RNLS: variants seen among roughly 807,000 people sequenced by gnomAD.
The protein encoded by RNLS is renalase.
In RNLS, 39 loss-of-function variants were observed where a neutral mutation model predicts 39.8. The ratio of observed to expected loss-of-function variants is 0.98; its 90% CI spans 0.76 to 1.28. The LOEUF is 1.28. Ranked by LOEUF, RNLS falls within the 50% of genes most tolerant of loss-of-function variation. The pLI, the probability that RNLS is intolerant of heterozygous loss-of-function variation, is 0.00. For missense variants in RNLS, 410 were observed against 413.3 expected (o/e 0.99, Z 0.07); for synonymous variants, 147 against 150.7 (o/e 0.98, Z 0.18).
At chr10:88,294,416 G>T (rs933282908) in intron 6 of RNLS, among the ~76,000 whole-genome samples, 4 of 152,010 alleles carry the variant, frequency 2.6e-5, no homozygotes, top group South Asian at 2.1e-4. Flanking sequence ...ATATAAGAAA[G>T]GAAGGGCTGG....
intron 4 of RNLS, among the ~76,000 whole-genome samples, chr10:88,394,679 C>A (rs1280926908): frequency 6.6e-6 from 1 of 151,864 alleles, no homozygotes; most frequent in Admixed American, 6.6e-5. Flanking sequence ...TTTGACCCAG[C>A]CATCCCATTA....
At chr10:88,522,847 G>C (rs1846841705) in intron 4 of RNLS, among the ~76,000 whole-genome samples, 1 of 152,136 alleles carries the variant, frequency 6.6e-6, no homozygotes. Context: ...GCCAGCAGCT[G>C]TTCTGTATCA....
intron 6 of RNLS, among the ~76,000 whole-genome samples, chr10:88,300,426 G>A (rs1844430647): frequency 6.7e-6 from 1 of 150,352 alleles, no homozygotes; most frequent in Non-Finnish European, 1.5e-5. Flanking sequence ...CATTCCTCAA[G>A]TATTCTTTGC....
chr10:88,485,943 A>G (rs1461634325), intron 4 of RNLS, among the ~76,000 whole-genome samples: 5 of 152,114 alleles, frequency 3.3e-5, no homozygotes, highest in African/African-American at 1.2e-4. Flanking sequence ...ATAAAATATT[A>G]ATTCTGATCA....
chr10:88,191,992 C>T, the RNLS span, among the ~76,000 whole-genome samples: 9 of 151,910 alleles, frequency 5.9e-5, no homozygotes, highest in Admixed American at 1.3e-4. Context: ...TTGTCTCCAA[C>T]TCATTATGAT....
downstream of RNLS, chr10:88,284,089 C>T: frequency 4.2e-6 from 4 of 954,106 alleles, no homozygotes; most frequent in Non-Finnish European, 5.0e-6. Context: ...AAATAAGTGA[C>T]ATTAACCACA....
intron 3 of RNLS, among the ~76,000 whole-genome samples, chr10:88,576,455 A>C (rs906649304): frequency 1.3e-5 from 2 of 152,204 alleles, no homozygotes; most frequent in African/African-American, 4.8e-5. Flanking sequence ...ATCCAAGTTT[A>C]TGTTTCTCCT....
chr10:88,296,050 G>A (rs558512639), intron 6 of RNLS, among the ~76,000 whole-genome samples: 58 of 152,272 alleles, frequency 3.8e-4, no homozygotes, highest in African/African-American at 1.3e-3. Flanking sequence ...TCAGCAAGTT[G>A]TAGTATATTC....
the RNLS span, among the ~76,000 whole-genome samples, chr10:88,222,065 G>A: frequency 6.6e-6 from 1 of 152,180 alleles, no homozygotes; most frequent in African/African-American, 2.4e-5. Flanking sequence ...TCAGCTGAGG[G>A]GTTGGGTTTT....
chr10:88,221,216 C>T, the RNLS span, among the ~76,000 whole-genome samples: 5 of 152,294 alleles, frequency 3.3e-5, no homozygotes, highest in East Asian at 1.9e-4. Flanking sequence ...AATCTGGCCA[C>T]CAAGGTTTAG....
chr10:88,349,519 G>A (rs1589615001), intron 5 of RNLS, among the ~76,000 whole-genome samples: 2 of 152,160 alleles, frequency 1.3e-5, no homozygotes, highest in South Asian at 4.1e-4. Flanking sequence ...TTCCAGGCTG[G>A]TGTGAACTCC....
rs58587048 is a variant in RNLS at position 88,570,313 on chromosome 10, T to C, written c.526+2590A>G. Among the ~76,000 whole-genome samples, 1,226 of 152,340 alleles carry C rather than the reference T, an allele frequency of 8.0e-3. 27 individuals are homozygous for C. The highest frequency in any genetic ancestry group is 0.076 in the South Asian group (368 of 4,830). On this transcript the variant is annotated intron_variant, in intron 4 of 6. Coordinates refer to ENST00000331772, the MANE Select transcript of RNLS (RefSeq NM_001031709.3). ...AAATCCATATTTAATGAAAATAGAA[T>C]ATGAATAGAATAAGAAAAAAGTCTA...
intron 6 of RNLS, among the ~76,000 whole-genome samples, chr10:88,306,719 A>G (rs1264674489): frequency 6.6e-6 from 1 of 152,098 alleles, no homozygotes; most frequent in Non-Finnish European, 1.5e-5. Flanking sequence ...CTCAGGACCA[A>G]ACAGATTCAC....
chr10:88,509,948 C>G (rs1222221025), intron 4 of RNLS, among the ~76,000 whole-genome samples: 1 of 152,134 alleles, frequency 6.6e-6, no homozygotes, highest in Non-Finnish European at 1.5e-5. Flanking sequence ...AGCCCCATTC[C>G]ACCTCTGATA....
At chr10:88,354,800 G>A (rs1012707055) in intron 5 of RNLS, among the ~76,000 whole-genome samples, 4 of 152,214 alleles carry the variant, frequency 2.6e-5, no homozygotes, top group African/African-American at 9.7e-5. Context: ...ATAACATCCT[G>A]CAGAGTGTTT....
chr10:88,203,218 C>T, the RNLS span, among the ~76,000 whole-genome samples: 1 of 119,290 alleles, frequency 8.4e-6, no homozygotes, highest in Non-Finnish European at 1.7e-5. Flanking sequence ...AGAAGGATAG[C>T]AAAAAGTGTG....
chr10:88,346,288 G>T (rs969043465), intron 5 of RNLS, among the ~76,000 whole-genome samples: 1 of 151,988 alleles, frequency 6.6e-6, no homozygotes, highest in African/African-American at 2.4e-5. Context: ...TGTGTTACGG[G>T]GCATCATTCA....
At chr10:88,452,405 G>A (rs562462731) in intron 4 of RNLS, among the ~76,000 whole-genome samples, 36 of 152,316 alleles carry the variant, frequency 2.4e-4, no homozygotes, top group African/African-American at 8.2e-4. Context: ...GCTTGACAGA[G>A]TAATAAAATG....
At chr10:88,353,601 T>G (rs572063595) in intron 5 of RNLS, among the ~76,000 whole-genome samples, 25 of 152,350 alleles carry the variant, frequency 1.6e-4, no homozygotes, top group African/African-American at 6.0e-4. Context: ...TCTGTTCTTT[T>G]ACATTTGCTG....
Sources: allele counts gnomAD v4.1 joint callset (sites outside exome capture counted in the v4.1 genomes callset), GRCh38; gene constraint gnomAD v4.1.1; transcripts MANE v1.5; gene names NCBI Gene and HGNC (gene_info 2026-07-23, HGNC 2026-07-21).